Variants in PIK3C3 observed in about 807,000 individuals in gnomAD.
The protein encoded by PIK3C3 is phosphatidylinositol 3-kinase catalytic subunit type 3.
PIK3C3 carries 95 observed loss-of-function variants against 126.1 expected under a neutral mutation model. That is an observed-to-expected ratio of 0.75 (90% confidence interval 0.64 to 0.89). The LOEUF is 0.89. PIK3C3 is among the 40% of genes least tolerant of loss of function. PIK3C3 has a pLI of 0.00. For missense variants in PIK3C3, 829 were observed against 1,063.2 expected (o/e 0.78, Z 3.06); for synonymous variants, 374 against 360.0 (o/e 1.04, Z -0.44).
chr18:42,011,451 A>G (rs1982822591), intron 10 of PIK3C3, among the ~76,000 whole-genome samples: 1 of 152,144 alleles, frequency 6.6e-6, no homozygotes. Flanking sequence ...TTTAACTTCC[A>G]ACTTTTCTTT....
intron 24 of PIK3C3, among the ~76,000 whole-genome samples, chr18:42,072,212 C>A (rs1316810668): frequency 1.3e-5 from 2 of 151,996 alleles, no homozygotes; most frequent in Non-Finnish European, 2.9e-5. Context: ...TTAGTACATT[C>A]CCATTAATCA....
chr18:42,014,283 A>AT (rs1434357260), intron 11 of PIK3C3, among the ~76,000 whole-genome samples: 1 of 152,016 alleles, frequency 6.6e-6, no homozygotes, highest in Non-Finnish European at 1.5e-5. Context: ...AAATAGTTTA[A>AT]TAAAAAGTTG....
At chr18:42,075,780 C>T (rs1041973836) in intron 24 of PIK3C3, among the ~76,000 whole-genome samples, 3 of 149,858 alleles carry the variant, frequency 2.0e-5, no homozygotes, top group Non-Finnish European at 4.4e-5. Context: ...TTTCCAGTCA[C>T]CAGCTGCATT....
At chr18:42,076,091 T>TATATATATATGCAC (rs1279615775) in intron 24 of PIK3C3, among the ~76,000 whole-genome samples, 1 of 48,216 alleles carries the variant, frequency 2.1e-5, no homozygotes, top group Non-Finnish European at 3.7e-5. Context: ...TTACCTTGCA[T>TATATATATATGCAC]ATATATATAT....
chr18:42,024,682 G>A (rs548951182), intron 13 of PIK3C3, among the ~76,000 whole-genome samples: 4 of 152,060 alleles, frequency 2.6e-5, no homozygotes, highest in Non-Finnish European at 2.9e-5. Flanking sequence ...TGATTCACCC[G>A]CCTCGGCCTC....
At chr18:42,019,067 A>G (rs979573466) in intron 12 of PIK3C3, among the ~76,000 whole-genome samples, 1 of 152,036 alleles carries the variant, frequency 6.6e-6, no homozygotes, top group Non-Finnish European at 1.5e-5. Context: ...CTCATACTTA[A>G]TGGAAACAAT....
intron 9 of PIK3C3, among the ~76,000 whole-genome samples, chr18:41,998,133 A>G (rs1395467654): frequency 1.3e-5 from 2 of 152,154 alleles, no homozygotes; most frequent in South Asian, 2.1e-4. Context: ...CTGCTTTGTC[A>G]TTTATTGATG....
chr18:42,043,799 A>T lies in PIK3C3; in HGVS notation c.2170A>T (p.Thr724Ser), dbSNP rs1187513059. 6.2e-7 allele frequency: 1 copy of T among 1,612,352 alleles called. No individual in the cohort carries two copies. The highest frequency in any genetic ancestry group is 8.5e-7 in the Non-Finnish European group (1 of 1,178,682). The change falls in exon 20 of 25, where the codon ACT becomes TCT. Residue 724 changes from threonine to serine, a missense_variant. By Grantham distance (58) the Thr-to-Ser change is moderately conservative (BLOSUM62 1). Around this residue, in one of 4 missense-constraint regions of PIK3C3, gnomAD observed 196 missense variants for 312.8 expected, o/e 0.63. Coordinates refer to ENST00000262039, the MANE Select transcript of PIK3C3 (RefSeq NM_002647.4). Reference sequence around the variant, plus strand: ...TGGGATTAGTGCTGAGGTCATGGACACTTACGTTAAAAGCTGTGGTAAGTT... The same window carrying T: ...TGGGATTAGTGCTGAGGTCATGGACTCTTACGTTAAAAGCTGTGGTAAGTT... ...PNGISAEVMD[T>S]YVKSCAGYCV...
chr18:42,086,954 T>C lies in PIK3C3; in HGVS notation c.*5817T>C, dbSNP rs550387476. ...CCCTCTCTTGGAGTCTTAACCAGGA[T>C]CCCTTTCCAGTAACTTCAGCAGGAT... On this transcript the variant is annotated 3_prime_UTR_variant, in exon 25 of 25. Transcript: ENST00000262039. 1.3e-5 allele frequency: 2 copies of C among 152,292 alleles called. No individual in the cohort carries two copies. Among genetic ancestry groups the C allele is most frequent in the South Asian group, 4.1e-4 (2 of 4,824 alleles). The allele number at this position is 152,292 out of a possible 1,614,324, so 9.4% of individuals were successfully genotyped here. A position where few individuals can be genotyped will look rare whatever the true frequency, so the allele number is the denominator to read the frequency against.
At chr18:42,004,288 C>A in intron 9 of PIK3C3, 68 bp from the exon 10 acceptor site, 1 of 1,222,474 alleles carries the variant, frequency 8.2e-7, no homozygotes, top group Non-Finnish European at 1.2e-6. Flanking sequence ...TAGTGGAACT[C>A]TGCCTAGTCA....
intron 4 of PIK3C3, among the ~76,000 whole-genome samples, chr18:41,973,019 G>C (rs1980743551): frequency 6.6e-6 from 1 of 152,062 alleles, no homozygotes; most frequent in Middle Eastern, 3.2e-3. Context: ...AATAATTTTT[G>C]AGTTTGCAAA....
intron 3 of PIK3C3, among the ~76,000 whole-genome samples, chr18:41,969,630 T>G (rs1008403161): frequency 3.9e-5 from 6 of 152,214 alleles, no homozygotes; most frequent in Admixed American, 2.6e-4. Context: ...TTTTAGAACA[T>G]GCCTTTTATG....
chr18:42,070,105 CCT>C (rs1293354730), intron 24 of PIK3C3, among the ~76,000 whole-genome samples: 3 of 152,280 alleles, frequency 2.0e-5, no homozygotes, highest in Admixed American at 6.5e-5. Flanking sequence ...CTCTCCACTT[CCT>C]CTGTCATCAT....
intron 4 of PIK3C3, among the ~76,000 whole-genome samples, chr18:41,978,553 A>G (rs1981044499): frequency 6.6e-6 from 1 of 152,210 alleles, no homozygotes; most frequent in Non-Finnish European, 1.5e-5. Flanking sequence ...TCTTGGATTA[A>G]AATTTGAAAG....
At chr18:42,029,227 A>T in intron 14 of PIK3C3, 98 bp from the exon 15 acceptor site, 1 of 747,638 alleles carries the variant, frequency 1.3e-6, no homozygotes, top group South Asian at 1.5e-5. Flanking sequence ...TTAAGTTTAT[A>T]ACTGTGAGAA....
chr18:41,966,356 G>A (rs538712399), intron 3 of PIK3C3, among the ~76,000 whole-genome samples: 1 of 151,802 alleles, frequency 6.6e-6, no homozygotes, highest in Non-Finnish European at 1.5e-5. Flanking sequence ...TTTTAGTATA[G>A]GCGGGGTTTC....
chr18:42,038,100 T>C (rs1168493561), intron 17 of PIK3C3, among the ~76,000 whole-genome samples: 2 of 152,156 alleles, frequency 1.3e-5, no homozygotes, highest in Non-Finnish European at 2.9e-5. Context: ...CCTCTTAGTC[T>C]ATTAAATTTT....
In PIK3C3 at chr18:42,027,434, A is replaced by ATT; in HGVS notation, c.1485-5_1485-4dup. On this transcript the variant is annotated splice_polypyrimidine_tract_variant and intron_variant, in intron 13 of 24. Transcript: ENST00000262039. ...TCACATCACATGAATGGCTCAAACT[A>ATT]TTTTTAAGGTATGTGATAGTGGAAT... is the stretch of plus-strand genomic sequence containing the variant. The ATT allele has an allele frequency of 6.5e-7, 1 of 1,533,566 alleles. No homozygotes were observed. Among genetic ancestry groups the ATT allele is most frequent in the Non-Finnish European group, 9.0e-7 (1 of 1,113,846 alleles). 95.0% of individuals were successfully genotyped at this position (1,533,566 alleles called of 1,614,324 possible). A position where few individuals can be genotyped will look rare whatever the true frequency, so the allele number is the denominator to read the frequency against.
In PIK3C3 at chr18:42,082,273, A is replaced by G. The variant is rs576256512; in HGVS notation, c.*1136A>G. 1 of 152,322 alleles carries G rather than the reference A, an allele frequency of 6.6e-6. No individual in the cohort carries two copies. Among genetic ancestry groups the G allele is most frequent in the Non-Finnish European group, 1.5e-5 (1 of 68,028 alleles). The allele number at this position is 152,322 out of a possible 1,614,324, so 9.4% of individuals were successfully genotyped here. ...TCAAGTGACAGAGAAGATGAAGGTA[A>G]AATTGTGGCACAGTTTCAGAGAATG... On this transcript the variant is annotated 3_prime_UTR_variant, in exon 25 of 25. Transcript: ENST00000262039.
Sources: gnomAD v4.1 joint callset for allele counts (sites outside exome capture counted in the v4.1 genomes callset) on GRCh38, gnomAD v4.1.1 for gene constraint, gnomAD v4.1.1 regional missense constraint, MANE v1.5 for transcripts, NCBI Gene and HGNC (gene_info 2026-07-23, HGNC 2026-07-21) for gene names.